Variants in CEP112 observed in about 807,000 individuals in gnomAD.
CEP112 encodes the protein centrosomal protein 112.
In CEP112, 127 loss-of-function variants were observed where a neutral mutation model predicts 153.0. That is an observed-to-expected ratio of 0.83 (90% CI 0.72 to 0.96). The LOEUF (loss-of-function observed/expected upper bound fraction) is 0.96, where lower values mean the gene tolerates loss of function less well. Ranked by LOEUF, CEP112 falls within the 40% of genes least tolerant of loss-of-function variation. The pLI is 0.00. For missense variants in CEP112, 1,089 were observed against 1,101.2 expected, an observed-to-expected ratio of 0.99 and a Z score of 0.16; for synonymous variants, 358 against 374.4, an observed-to-expected ratio of 0.96 and a Z score of 0.51.
In CEP112 at chr17:65,744,197, G is replaced by A. The variant is rs942021032; in HGVS notation, c.2458-980C>T. On this transcript the variant is annotated intron_variant, in intron 22 of 26. Coordinates refer to ENST00000535342, the MANE Select transcript of CEP112 (RefSeq NM_001199165.4). ...TCAGACCAATCACTGCACTAATTGG[G>A]TCCTTTAACCTGCCGACTTTATGGG... is the stretch of plus-strand genomic sequence containing the variant. Among the ~76,000 whole-genome samples, 9 of 152,076 alleles carry A rather than the reference G, an allele frequency of 5.9e-5. 1 individual carries two copies. The East Asian group carries it at 1.4e-3, about 23-fold the overall frequency.
chr17:65,927,641 T>C lies in CEP112; in HGVS notation c.1921A>G (p.Lys641Glu). The change falls in exon 19 of 27, where the codon AAA becomes GAA. Residue 641 changes from lysine to glutamate, a missense_variant. Coordinates refer to ENST00000535342, the MANE Select transcript of CEP112 (RefSeq NM_001199165.4). ...TGCCATAAAAACTCCTTTGATTGTTTCTCACGAAGAGATTTGGATCTAGTT... is the reference window on the plus strand; with the variant it reads ...TGCCATAAAAACTCCTTTGATTGTTCCTCACGAAGAGATTTGGATCTAGTT... ...DLTRSKSLRE[K>E]QSKEFLWQLE... The C allele has an allele frequency of 4.4e-6, 7 of 1,602,284 alleles. No individual in the cohort carries two copies. Among genetic ancestry groups the C allele is most frequent in the Non-Finnish European group, 5.9e-6 (7 of 1,176,572 alleles).
intron 21 of CEP112, among the ~76,000 whole-genome samples, chr17:65,809,855 G>C (rs189737115): frequency 3.9e-5 from 6 of 152,162 alleles, no homozygotes; most frequent in South Asian, 2.1e-4. Flanking sequence ...AAGGAAGTGG[G>C]GGGGGGAAGA....
At chr17:66,002,624 A>C (rs1407417093) in intron 17 of CEP112, among the ~76,000 whole-genome samples, 1 of 152,210 alleles carries the variant, frequency 6.6e-6, no homozygotes, top group Non-Finnish European at 1.5e-5. Flanking sequence ...TTCCTTCTCT[A>C]AGATGCCTCC....
chr17:65,678,539 C>G (rs1027911157), intron 24 of CEP112, among the ~76,000 whole-genome samples: 2 of 152,098 alleles, frequency 1.3e-5, no homozygotes, highest in African/African-American at 4.8e-5. Context: ...TGAGACTATA[C>G]CACAACATTA....
At position 66,115,465 on chromosome 17, in the gene CEP112, C is replaced by T. The variant is rs1248419608; in HGVS notation, c.642+14281G>A. Among the ~76,000 whole-genome samples, 4 of 152,176 alleles carry T rather than the reference C, an allele frequency of 2.6e-5. No homozygotes were observed. In the South Asian group the frequency reaches 6.2e-4, roughly 24 times the overall value. ...TACTGGGACAGTGCATTCTTGAAAT[C>T]GACCCAAGAGTCCCATAGACAGTTC... On this transcript the variant is annotated intron_variant, in intron 6 of 26. Coordinates refer to ENST00000535342, the MANE Select transcript of CEP112 (RefSeq NM_001199165.4).
In CEP112 at chr17:65,995,127, T is replaced by A. The variant is rs1012196216; in HGVS notation, c.1736+10563A>T. Reference sequence around the variant, plus strand: ...CATCAGAGTCCCATGTTGTTAGGGATTAAAAGAAAATGGAAAGGCTGAAGA... The same window carrying A: ...CATCAGAGTCCCATGTTGTTAGGGAATAAAAGAAAATGGAAAGGCTGAAGA... On this transcript the variant is annotated intron_variant, in intron 17 of 26. Coordinates refer to ENST00000535342, the MANE Select transcript of CEP112 (RefSeq NM_001199165.4). 2.9e-4 allele frequency among the ~76,000 whole-genome samples: 40 copies of A among 136,550 alleles called. 1 individual carries two copies. Among genetic ancestry groups the A allele is most frequent in the Admixed American group, 2.8e-3 (37 of 13,220 alleles). The allele number at this position is 136,550 out of a possible 152,430, so 89.6% of individuals were successfully genotyped here.
Position 65,953,171 on chromosome 17 carries a change from T to C in CEP112, c.1872+8292A>G, listed in dbSNP as rs1003788208. ...AAATTTAATTTCTAGTTTAATTGCA[T>C]TGTGGTAAGAAATATGTGTTCTCAG... On this transcript the variant is annotated intron_variant, in intron 18 of 26. Coordinates refer to ENST00000535342, the MANE Select transcript of CEP112 (RefSeq NM_001199165.4). Among the ~76,000 whole-genome samples the C allele has an allele frequency of 2.6e-5, 4 of 152,180 alleles. No homozygotes were observed. In the South Asian group the frequency reaches 8.3e-4, roughly 32 times the overall value.
chr17:66,051,927 C>T (rs2066459180), intron 12 of CEP112, among the ~76,000 whole-genome samples: 1 of 152,184 alleles, frequency 6.6e-6, no homozygotes. Flanking sequence ...GCATTTAATA[C>T]ACCTAACCTA....
chr17:65,930,762 C>T (rs2061089951), intron 18 of CEP112, among the ~76,000 whole-genome samples: 1 of 152,172 alleles, frequency 6.6e-6, no homozygotes, highest in Non-Finnish European at 1.5e-5. Flanking sequence ...CCTCGGCAAT[C>T]CAGACTCCAG....
chr17:66,059,246 A>G (rs186835457), intron 11 of CEP112, among the ~76,000 whole-genome samples: 8 of 152,324 alleles, frequency 5.3e-5, no homozygotes, highest in African/African-American at 1.9e-4. Flanking sequence ...ACCGTGGTAA[A>G]GAATTTATGA....
intron 24 of CEP112, among the ~76,000 whole-genome samples, chr17:65,641,657 G>T (rs1322632880): frequency 1.3e-5 from 2 of 152,032 alleles, no homozygotes; most frequent in Non-Finnish European, 2.9e-5. Flanking sequence ...GAGGTGGGAG[G>T]ATCCTTTGAG....
intron 21 of CEP112, among the ~76,000 whole-genome samples, chr17:65,758,741 G>C (rs978696436): frequency 3.9e-5 from 6 of 152,104 alleles, no homozygotes; most frequent in Non-Finnish European, 8.8e-5. Flanking sequence ...GTTGTTTTAG[G>C]CTGAAAGAAA....
intron 23 of CEP112, among the ~76,000 whole-genome samples, chr17:65,714,459 T>C (rs975220185): frequency 6.6e-6 from 1 of 152,070 alleles, no homozygotes. Context: ...TAAATGAAGA[T>C]GAACATCTTT....
intron 24 of CEP112, among the ~76,000 whole-genome samples, chr17:65,659,473 G>A (rs943324196): frequency 1.3e-5 from 2 of 152,144 alleles, no homozygotes; most frequent in African/African-American, 4.8e-5. Context: ...GGAAGACAAA[G>A]GCAGCCGTTG....
At chr17:65,970,964 T>C (rs1156476644) in intron 17 of CEP112, among the ~76,000 whole-genome samples, 1 of 151,394 alleles carries the variant, frequency 6.6e-6, no homozygotes, top group Non-Finnish European at 1.5e-5. Flanking sequence ...CTATTACATG[T>C]TGGCCAGGCT....
rs559939835 is a variant in CEP112 at position 65,745,009 on chromosome 17, C to G, written c.2458-1792G>C. Among the ~76,000 whole-genome samples the G allele has an allele frequency of 8.5e-5, 13 of 152,244 alleles. No homozygotes were observed. In the East Asian group the frequency reaches 2.5e-3, roughly 29 times the overall value. The stretch of plus-strand genomic sequence containing the variant: ...TTCCAACTATTATTTGGTGACAAAA[C>G]AAGATTACAGCATTATAAGGCAATA... On this transcript the variant is annotated intron_variant, in intron 22 of 26. Transcript: ENST00000535342.
chr17:65,955,230 A>G (rs1369148659), intron 18 of CEP112, among the ~76,000 whole-genome samples: 1 of 152,182 alleles, frequency 6.6e-6, no homozygotes, highest in Non-Finnish European at 1.5e-5. Context: ...AAACAAAACA[A>G]TTATTAGCCA....
At chr17:65,913,561 T>C (rs2143868851) in intron 19 of CEP112, 1 of 985,318 alleles carries the variant, frequency 1.0e-6, no homozygotes, top group Non-Finnish European at 1.2e-6. Flanking sequence ...GCTCCCAGAT[T>C]AGATGTTTGC....
chr17:65,990,000 G>A (rs2063539460), intron 17 of CEP112, among the ~76,000 whole-genome samples: 2 of 151,918 alleles, frequency 1.3e-5, no homozygotes, highest in Admixed American at 6.5e-5. Context: ...GAGCCTCATA[G>A]TAACCACAAT....
Sources: allele counts gnomAD v4.1 joint callset (sites outside exome capture counted in the v4.1 genomes callset), GRCh38; gene constraint gnomAD v4.1.1; transcripts MANE v1.5; gene names NCBI Gene and HGNC (gene_info 2026-07-23, HGNC 2026-07-21).